BIN1: variants seen among roughly 807,000 people sequenced by gnomAD.
BIN1 encodes the protein myc box-dependent-interacting protein 1.
Under a neutral mutation model 82.0 loss-of-function variants are expected in BIN1, and 53 were observed. The ratio of observed to expected loss-of-function variants is 0.65; its 90% confidence interval spans 0.52 to 0.81. BIN1 has a LOEUF of 0.81. Among genes scored for constraint, BIN1 ranks in the 40% least tolerant of loss-of-function variants. The pLI, the probability that BIN1 is intolerant of heterozygous loss-of-function variation, is 0.00. For missense variants in BIN1, 642 were observed against 784.4 expected, an observed-to-expected ratio of 0.82 and a Z score of 2.17; for synonymous variants, 302 against 328.0, an observed-to-expected ratio of 0.92 and a Z score of 0.86.
Position 127,048,649 on chromosome 2 carries a change from C to G in BIN1, c.1675-16G>C. ...AGCCTTCATCCTGAGGGGCAGAGCA[C>G]CAGGTCGCACAGGGATGAGCAAGGG... On this transcript the variant is annotated splice_polypyrimidine_tract_variant and intron_variant, in intron 18 of 18. Coordinates refer to ENST00000316724, the MANE Select transcript of BIN1 (RefSeq NM_139343.3). 3 of 1,611,282 alleles carry G rather than the reference C, an allele frequency of 1.9e-6. No individual in the cohort carries two copies. Among genetic ancestry groups the G allele is most frequent in the Non-Finnish European group, 2.5e-6 (3 of 1,179,052 alleles).
Position 127,052,317 on chromosome 2 carries a change from C to A in BIN1, c.1309G>T (p.Ala437Ser). 1 of 1,587,092 alleles carries A rather than the reference C, an allele frequency of 6.3e-7. No homozygotes were observed. The highest frequency in any genetic ancestry group is 2.3e-5 in the East Asian group (1 of 43,700). Residue 437 changes from alanine to serine, a missense_variant, in exon 15 of 19, where the codon GCT (alanine) becomes TCT (serine). By Grantham distance (99) the Ala-to-Ser change is moderately conservative (BLOSUM62 1). Coordinates refer to ENST00000316724, the MANE Select transcript of BIN1 (RefSeq NM_139343.3). ...AGSLPSGEPS[A>S]AEGTFAVSWP... The stretch of plus-strand genomic sequence containing the variant: ...GACACAGCAAAGGTGCCCTCGGCAG[C>A]GCTGGGCTCCCCGGAAGGCAGGCTG...
intron 14 of BIN1, chr2:127,053,035 A>C: frequency 6.3e-6 from 2 of 319,370 alleles, no homozygotes; most frequent in South Asian, 6.8e-5. Context: ...ACTGCCAAAA[A>C]GCTCAGAGAA....
Position 127,093,980 on chromosome 2 carries a change from G to A in BIN1, c.84+12880C>T, listed in dbSNP as rs1282149319. On this transcript the variant is annotated intron_variant, in intron 1 of 18. Transcript: ENST00000316724. The surrounding 1 kb of genome is among the most constrained non-coding windows in gnomAD (Gnocchi z 5.7). ...CACACGGAGGGCATGGGTGCAGCTA[G>A]ACACCCCCCACTGGCCTAAGGCCCT... Among the ~76,000 whole-genome samples, 1 of 152,184 alleles carries A rather than the reference G, an allele frequency of 6.6e-6. No individual in the cohort carries two copies. Among genetic ancestry groups the A allele is most frequent in the Non-Finnish European group, 1.5e-5 (1 of 68,032 alleles).
chr2:127,105,955 G>A (rs1681061987), intron 1 of BIN1, among the ~76,000 whole-genome samples: 1 of 152,262 alleles, frequency 6.6e-6, no homozygotes, highest in Non-Finnish European at 1.5e-5. Flanking sequence ...AACCAGAGGT[G>A]GCTTGGGATA....
chr2:127,078,179 G>A (rs1264345485), intron 1 of BIN1, among the ~76,000 whole-genome samples: 4 of 151,960 alleles, frequency 2.6e-5, no homozygotes, highest in African/African-American at 9.7e-5. Flanking sequence ...CTGCCCTGCT[G>A]CACTTCCCCC....
At chr2:127,071,639 C>T (rs1464602400) in intron 2 of BIN1, among the ~76,000 whole-genome samples, 2 of 152,104 alleles carry the variant, frequency 1.3e-5, no homozygotes, top group East Asian at 1.9e-4. Flanking sequence ...GAGGGGTGAA[C>T]AATAGGTGAG....
Position 127,053,989 on chromosome 2 carries a change from C to A in BIN1, c.1155G>T (p.Ser385=). ...PSQFEAPGPF[S]EQASLLDLDF... ...CCAGGTCCAGCAGACTGGCCTGCTCCGAGAAAGGCCCCGGGGCCTCAAACT... is the reference window on the plus strand; with the variant it reads ...CCAGGTCCAGCAGACTGGCCTGCTCAGAGAAAGGCCCCGGGGCCTCAAACT... Residue 385 remains serine, a synonymous_variant, in exon 13 of 19, where the codon TCG becomes TCT. Transcript: ENST00000316724. 6.4e-7 allele frequency: 1 copy of A among 1,551,364 alleles called. No individual in the cohort carries two copies.
Position 127,107,024 on chromosome 2 carries a change from C to T in BIN1, c.-81G>A. ...GCGCCGCGCTCCCAGCCCCCAGCCC[C>T]GGCCGCGCGTCCAGACCGGCTGCCG... is the stretch of plus-strand genomic sequence containing the variant. On this transcript the variant is annotated 5_prime_UTR_variant, in exon 1 of 19. Transcript: ENST00000316724. This position sits in a 1 kb window ranked among gnomAD's most constrained non-coding sequence, Gnocchi z 5.9. 1.4e-6 allele frequency: 2 copies of T among 1,396,872 alleles called. No homozygotes were observed. Among genetic ancestry groups the T allele is most frequent in the Middle Eastern group, 1.8e-4 (1 of 5,512 alleles). The allele number at this position is 1,396,872 out of a possible 1,614,324, so 86.5% of individuals were successfully genotyped here. A position where few individuals can be genotyped will look rare whatever the true frequency, so the allele number is the denominator to read the frequency against.
chr2:127,094,775 C>A (rs1437474090), intron 1 of BIN1, among the ~76,000 whole-genome samples: 2 of 152,250 alleles, frequency 1.3e-5, no homozygotes, highest in African/African-American at 4.8e-5. Context: ...AGCCCTGCAG[C>A]CCACACCCAT....
intron 1 of BIN1, among the ~76,000 whole-genome samples, chr2:127,080,173 T>C (rs541475467): frequency 1.6e-4 from 24 of 152,312 alleles, no homozygotes; most frequent in Admixed American, 4.6e-4. Flanking sequence ...CTGGTGTGGC[T>C]ACCACAGGGA....
In BIN1 at chr2:127,063,640, T is replaced by C; in HGVS notation, c.705A>G (p.Val235=). The change falls in exon 9 of 19, where the codon GTA becomes GTG. Residue 235 remains valine, a synonymous_variant. Coordinates refer to ENST00000316724, the MANE Select transcript of BIN1 (RefSeq NM_139343.3). The part of the protein sequence containing the change: ...EELPSLWNSR[V]GFYVNTFQSI... Reference sequence around the variant, plus strand: ...TCTGGAACGTGTTGACGTAGAAACCTACGCGGCTACAGAAGGGCGGAAGGA... The same window carrying C: ...TCTGGAACGTGTTGACGTAGAAACCCACGCGGCTACAGAAGGGCGGAAGGA... 6.2e-7 allele frequency: 1 copy of C among 1,613,590 alleles called. No homozygotes were observed. Among genetic ancestry groups the C allele is most frequent in the Non-Finnish European group, 8.5e-7 (1 of 1,179,824 alleles).
intron 7 of BIN1, among the ~76,000 whole-genome samples, chr2:127,066,922 T>C (rs1685212674): frequency 6.6e-6 from 1 of 151,886 alleles, no homozygotes; most frequent in East Asian, 1.9e-4. Context: ...AACGTAAAGA[T>C]TAGCCAGGCA....
chr2:127,106,830 C>T, intron 1 of BIN1, 30 bp downstream of exon 1: 2 of 1,575,722 alleles, frequency 1.3e-6, no homozygotes, highest in Non-Finnish European at 1.7e-6. Flanking sequence ...GGCTGGGACT[C>T]CGCGGCTGCT....
intron 7 of BIN1, among the ~76,000 whole-genome samples, chr2:127,065,488 A>G (rs868446019): frequency 2.0e-5 from 3 of 152,102 alleles, no homozygotes; most frequent in Non-Finnish European, 4.4e-5. Flanking sequence ...CCATGGTTCT[A>G]TGGAACTCAT....
intron 1 of BIN1, among the ~76,000 whole-genome samples, chr2:127,106,600 G>A (rs899902928): frequency 6.6e-6 from 1 of 152,180 alleles, no homozygotes; most frequent in East Asian, 1.9e-4. Context: ...CTGTGCAGCC[G>A]AGCCACGAAG....
chr2:127,052,110 G>A, intron 15 of BIN1, 145 bp downstream of exon 15: 1 of 920,372 alleles, frequency 1.1e-6, no homozygotes, highest in East Asian at 2.6e-5. Context: ...GCCCGTGCTG[G>A]GGCAGCCTAG....
At chr2:127,103,055 G>A (rs1680557063) in intron 1 of BIN1, among the ~76,000 whole-genome samples, 1 of 152,178 alleles carries the variant, frequency 6.6e-6, no homozygotes, top group Non-Finnish European at 1.5e-5. Context: ...CTGGGAAGGG[G>A]GCGGGACCCC....
intron 14 of BIN1, chr2:127,052,646 C>T (rs1439671473): frequency 4.2e-6 from 2 of 477,786 alleles, no homozygotes; most frequent in African/African-American, 2.0e-5. Flanking sequence ...CTCTTTCTGG[C>T]TTCCTCCAGA....
At chr2:127,105,532 G>A (rs1174311538) in intron 1 of BIN1, among the ~76,000 whole-genome samples, 1 of 147,264 alleles carries the variant, frequency 6.8e-6, no homozygotes, top group Admixed American at 7.3e-5. Flanking sequence ...GGGGAGCTGG[G>A]TCTGGGCAAA....
Sources: gnomAD v4.1 joint callset for allele counts (sites outside exome capture counted in the v4.1 genomes callset) on GRCh38, gnomAD v4.1.1 for gene constraint, Gnocchi (gnomAD v3.1) non-coding constraint, MANE v1.5 for transcripts, NCBI Gene and HGNC (gene_info 2026-07-23, HGNC 2026-07-21) for gene names.